VEGFC: variants seen among roughly 807,000 people sequenced by gnomAD.
VEGFC encodes FLT4 ligand DHM.
In VEGFC, 12 loss-of-function variants were observed where a neutral mutation model predicts 46.1. The ratio of observed to expected loss-of-function variants is 0.26; its 90% CI spans 0.17 to 0.42. The LOEUF is 0.42. VEGFC is among the 10% of genes least tolerant of loss of function. The pLI, the probability that VEGFC is intolerant of heterozygous loss-of-function variation, is 1.00. For synonymous variants in VEGFC, 232 were observed against 195.5 expected (o/e 1.19, Z -1.56); for missense variants, 488 against 529.4 (o/e 0.92, Z 0.77).
At position 176,714,108 on chromosome 4, in the gene VEGFC, T is replaced by C. The variant is rs546255160; in HGVS notation, c.553-2458A>G. Reference sequence around the variant, plus strand: ...GCACAGTGTTTGTAATCTGATATGGTTTGGATCTGTGTCTCCTCCAAATCT... The same window carrying C: ...GCACAGTGTTTGTAATCTGATATGGCTTGGATCTGTGTCTCCTCCAAATCT... On this transcript the variant is annotated intron_variant, in intron 3 of 6. Transcript: ENST00000618562. 1.6e-3 allele frequency among the ~76,000 whole-genome samples: 244 copies of C among 152,302 alleles called. 1 individual carries two copies. Among genetic ancestry groups the C allele is most frequent in the African/African-American group, 4.5e-3 (185 of 41,570 alleles).
At chr4:176,780,428 A>G (rs986799785) in intron 1 of VEGFC, among the ~76,000 whole-genome samples, 5 of 151,020 alleles carry the variant, frequency 3.3e-5, no homozygotes, top group Non-Finnish European at 5.9e-5. Context: ...CTAAGCACTA[A>G]GCACGCATTT....
At chr4:176,762,720 T>G (rs544161091) in intron 1 of VEGFC, among the ~76,000 whole-genome samples, 1 of 152,294 alleles carries the variant, frequency 6.6e-6, no homozygotes, top group Admixed American at 6.5e-5. Context: ...AAAGATCTAT[T>G]AAGAAGGTAA....
intron 4 of VEGFC, among the ~76,000 whole-genome samples, chr4:176,707,655 C>A (rs1030326827): frequency 6.6e-6 from 1 of 152,004 alleles, no homozygotes; most frequent in African/African-American, 2.4e-5. Flanking sequence ...TTTTGGCTCT[C>A]CAAAACCCAA....
chr4:176,686,133 A>G (rs1438626103), intron 6 of VEGFC, among the ~76,000 whole-genome samples: 1 of 152,212 alleles, frequency 6.6e-6, no homozygotes, highest in East Asian at 1.9e-4. Flanking sequence ...GTAGACAACT[A>G]GGAAAGTACA....
intron 1 of VEGFC, among the ~76,000 whole-genome samples, chr4:176,775,528 A>T (rs1274475386): frequency 6.6e-6 from 1 of 152,198 alleles, no homozygotes; most frequent in Non-Finnish European, 1.5e-5. Flanking sequence ...CAGTTAAAAC[A>T]GTTCATGTGA....
At chr4:176,727,663 C>A in intron 3 of VEGFC, 115 bp downstream of exon 3, 2 of 1,002,604 alleles carry the variant, frequency 2.0e-6, no homozygotes, top group East Asian at 2.8e-5. Flanking sequence ...AAATATGAGA[C>A]CCTGAGTTGA....
At chr4:176,769,103 CT>C (rs1052778856) in intron 1 of VEGFC, among the ~76,000 whole-genome samples, 1 of 152,120 alleles carries the variant, frequency 6.6e-6, no homozygotes, top group Admixed American at 6.6e-5. Context: ...CTCCTTACCC[CT>C]ATCACCATGT....
chr4:176,769,860 G>A (rs1282607026), intron 1 of VEGFC, among the ~76,000 whole-genome samples: 2 of 152,118 alleles, frequency 1.3e-5, no homozygotes, highest in Admixed American at 1.3e-4. Context: ...AGTTTATGCT[G>A]TTTCAACCTA....
chr4:176,732,038 T>C (rs1487728074), intron 1 of VEGFC, among the ~76,000 whole-genome samples: 1 of 151,964 alleles, frequency 6.6e-6, no homozygotes, highest in African/African-American at 2.4e-5. Flanking sequence ...GAAAAAGGCC[T>C]TTTTAAAGTG....
chr4:176,787,392 G>A (rs952536077), intron 1 of VEGFC, among the ~76,000 whole-genome samples: 2 of 149,736 alleles, frequency 1.3e-5, no homozygotes, highest in African/African-American at 4.9e-5. Context: ...ACGAGGCAGA[G>A]GTTGCAGTGA....
At chr4:176,748,688 A>G (rs1371269493) in intron 1 of VEGFC, among the ~76,000 whole-genome samples, 2 of 152,026 alleles carry the variant, frequency 1.3e-5, no homozygotes, top group African/African-American at 4.8e-5. Context: ...GATAGTAATC[A>G]GAAATGCTCT....
At chr4:176,748,033 T>G (rs1341317539) in intron 1 of VEGFC, among the ~76,000 whole-genome samples, 1 of 152,012 alleles carries the variant, frequency 6.6e-6, no homozygotes, top group Non-Finnish European at 1.5e-5. Context: ...TAGCAAGGGC[T>G]TTTAAAATAT....
At chr4:176,726,300 C>G (rs1338614170) in intron 3 of VEGFC, among the ~76,000 whole-genome samples, 1 of 151,974 alleles carries the variant, frequency 6.6e-6, no homozygotes, top group Admixed American at 6.6e-5. Context: ...TTGGAACGAC[C>G]CCTACATTAT....
At chr4:176,738,321 C>A (rs1735090073) in intron 1 of VEGFC, among the ~76,000 whole-genome samples, 1 of 151,982 alleles carries the variant, frequency 6.6e-6, no homozygotes, top group Non-Finnish European at 1.5e-5. Context: ...TCAACAGTAA[C>A]CAAAACAGCA....
intron 4 of VEGFC, among the ~76,000 whole-genome samples, chr4:176,702,652 G>A (rs902810717): frequency 9.9e-5 from 15 of 152,008 alleles, no homozygotes; most frequent in Non-Finnish European, 7.4e-5. Context: ...TGCACAGAAC[G>A]TGTTATTTTA....
chr4:176,789,600 T>C (rs1218493956), intron 1 of VEGFC, among the ~76,000 whole-genome samples: 2 of 152,230 alleles, frequency 1.3e-5, no homozygotes, highest in Non-Finnish European at 2.9e-5. Flanking sequence ...GTTCCCATCA[T>C]GTCCAGTTAA....
chr4:176,692,844 G>C (rs918612430), intron 4 of VEGFC, among the ~76,000 whole-genome samples: 4 of 146,358 alleles, frequency 2.7e-5, no homozygotes, highest in Non-Finnish European at 4.5e-5. Flanking sequence ...GCCTAACTGG[G>C]AGGCACCCCC....
chr4:176,763,063 A>T (rs2110913807), intron 1 of VEGFC, among the ~76,000 whole-genome samples: 1 of 152,290 alleles, frequency 6.6e-6, no homozygotes, highest in South Asian at 2.1e-4. Context: ...AATCAGGAGA[A>T]AGCTCTCATC....
chr4:176,774,967 G>A (rs11131755), intron 1 of VEGFC, among the ~76,000 whole-genome samples: 125,786 of 152,224 alleles, frequency 0.83, 53,546 homozygotes, highest in East Asian at 1. Flanking sequence ...GCTTCAGCCC[G>A]ATTGATCAGA....
Sources: gnomAD v4.1 joint callset for allele counts (sites outside exome capture counted in the v4.1 genomes callset) on GRCh38, gnomAD v4.1.1 for gene constraint, MANE v1.5 for transcripts, NCBI Gene and HGNC (gene_info 2026-07-23, HGNC 2026-07-21) for gene names.